The following PRKCB variants were observed in gnomAD, a reference collection of about 807,000 sequenced individuals.
The protein encoded by PRKCB is protein kinase C beta type.
A neutral mutation model predicts 81.5 loss-of-function variants in PRKCB; 13 were observed. The observed-to-expected ratio is 0.16, with a 90% CI of 0.10 to 0.25. PRKCB has a LOEUF of 0.25. Ranked by LOEUF, PRKCB falls within the 10% of genes least tolerant of loss-of-function variation. The probability of loss-of-function intolerance (pLI) is 1.00; values close to 1 mark genes in which losing one functional copy is unlikely to be tolerated. For synonymous variants in PRKCB, 335 were observed against 321.4 expected (o/e 1.04, Z -0.45); for missense variants, 509 against 875.7 (o/e 0.58, Z 5.29).
At chr16:23,979,884 G>T (rs1432454381) in intron 2 of PRKCB, among the ~76,000 whole-genome samples, 1 of 152,176 alleles carries the variant, frequency 6.6e-6, no homozygotes, top group Non-Finnish European at 1.5e-5. Flanking sequence ...AGGAGTTTGA[G>T]ACCAGCCTGG....
At chr16:23,846,955 G>A (rs954844540) in intron 2 of PRKCB, among the ~76,000 whole-genome samples, 1 of 151,860 alleles carries the variant, frequency 6.6e-6, no homozygotes, top group South Asian at 2.1e-4. Context: ...TGGTCTCCTG[G>A]GCATCTCCTT....
At chr16:24,188,924 G>A (rs191795338) in intron 15 of PRKCB, among the ~76,000 whole-genome samples, 27 of 152,258 alleles carry the variant, frequency 1.8e-4, no homozygotes, top group East Asian at 5.8e-4. Flanking sequence ...CCTTTAGCAC[G>A]GAGCCTGAAC....
chr16:24,034,938 G>C (rs1342035661), intron 4 of PRKCB, among the ~76,000 whole-genome samples: 2 of 152,178 alleles, frequency 1.3e-5, no homozygotes, highest in Non-Finnish European at 2.9e-5. Flanking sequence ...TTTCCAGGGA[G>C]CCCAACCTAT....
chr16:23,918,350 T>A (rs1424065775), intron 2 of PRKCB, among the ~76,000 whole-genome samples: 1 of 152,160 alleles, frequency 6.6e-6, no homozygotes, highest in African/African-American at 2.4e-5. Context: ...TAAGTTTCCA[T>A]TATTAAAGAC....
intron 2 of PRKCB, among the ~76,000 whole-genome samples, chr16:23,856,528 CTT>C (rs11398957): frequency 6.9e-6 from 1 of 145,246 alleles, no homozygotes. Context: ...TTTCACGAAA[CTT>C]TTTTTTTTTT....
chr16:24,078,352 A>G (rs1966206067), intron 5 of PRKCB, among the ~76,000 whole-genome samples: 1 of 152,184 alleles, frequency 6.6e-6, no homozygotes, highest in Non-Finnish European at 1.5e-5. Context: ...TCCCGAGGAT[A>G]TGAGTGAGGA....
chr16:24,047,145 T>C (rs1320177006), intron 5 of PRKCB, among the ~76,000 whole-genome samples: 1 of 151,796 alleles, frequency 6.6e-6, no homozygotes, highest in Non-Finnish European at 1.5e-5. Context: ...GAGACCAGCC[T>C]GGTCAACATA....
chr16:24,154,652 A>C, intron 9 of PRKCB, 32 bp from the exon 10 acceptor site: 1 of 1,611,220 alleles, frequency 6.2e-7, no homozygotes, highest in Non-Finnish European at 8.5e-7. Flanking sequence ...GACTCCTTCC[A>C]ACTGCCCTGA....
intron 8 of PRKCB, among the ~76,000 whole-genome samples, chr16:24,120,191 G>T (rs12933841): frequency 1.4e-3 from 214 of 152,272 alleles, no homozygotes; most frequent in Admixed American, 2.6e-3. Flanking sequence ...TGCCTTAGTG[G>T]CGGGGGTTGC....
rs10664787 is a variant in PRKCB at position 23,875,810 on chromosome 16, C to CATATAT, written c.205+38411_205+38416dup. On this transcript the variant is annotated intron_variant, in intron 2 of 16. Coordinates refer to ENST00000643927, the MANE Select transcript of PRKCB (RefSeq NM_002738.7). ...ATATCACACATATATGTGTGTATAT[C>CATATAT]ATATATATATATGCATGACCCATAT... 1.3e-3 allele frequency among the ~76,000 whole-genome samples: 82 copies of CATATAT among 62,044 alleles called. 2 individuals are homozygous for CATATAT. Among genetic ancestry groups the CATATAT allele is most frequent in the East Asian group, 3.7e-3 (5 of 1,366 alleles). 40.7% of individuals were successfully genotyped at this position (62,044 alleles called of 152,430 possible).
chr16:24,030,704 C>T (rs1256405530), intron 3 of PRKCB, among the ~76,000 whole-genome samples: 6 of 129,802 alleles, frequency 4.6e-5, no homozygotes, highest in Non-Finnish European at 9.6e-5. Context: ...CATAGTGAGA[C>T]CCCCCTCTCT....
At chr16:24,033,261 G>A (rs1965570987) in intron 4 of PRKCB, among the ~76,000 whole-genome samples, 1 of 152,208 alleles carries the variant, frequency 6.6e-6, no homozygotes, top group Non-Finnish European at 1.5e-5. Flanking sequence ...TCATAGGGCA[G>A]AGAGTGACAG....
chr16:24,046,228 T>G (rs551980768), intron 5 of PRKCB, among the ~76,000 whole-genome samples: 18 of 152,350 alleles, frequency 1.2e-4, no homozygotes, highest in Middle Eastern at 3.4e-3. Flanking sequence ...TTTAGGCCAA[T>G]GTGGTCTATG....
chr16:23,913,151 G>T (rs1420675978), intron 2 of PRKCB, among the ~76,000 whole-genome samples: 1 of 152,066 alleles, frequency 6.6e-6, no homozygotes, highest in Non-Finnish European at 1.5e-5. Context: ...GCAGCCCTGG[G>T]AGGCCATCTT....
At chr16:24,202,993 G>A (rs1292450364) in intron 16 of PRKCB, 3 of 152,174 alleles carry the variant, frequency 2.0e-5, no homozygotes, top group Non-Finnish European at 4.4e-5. Context: ...AACATGGGCA[G>A]ATCACTTGAG....
chr16:23,969,792 C>T lies in PRKCB; in HGVS notation c.206-18716C>T, dbSNP rs151114055. Among the ~76,000 whole-genome samples, 54 of 152,236 alleles carry T rather than the reference C, an allele frequency of 3.5e-4. No individual in the cohort carries two copies. In the East Asian group the frequency reaches 8.9e-3, roughly 25 times the overall value. ...ATGAAGTCCATGCCACCAGGCCTCTCGGGAACTTCATTGATCATACCATTA... is the reference window on the plus strand; with the variant it reads ...ATGAAGTCCATGCCACCAGGCCTCTTGGGAACTTCATTGATCATACCATTA... On this transcript the variant is annotated intron_variant, in intron 2 of 16. Coordinates refer to ENST00000643927, the MANE Select transcript of PRKCB (RefSeq NM_002738.7).
chr16:24,121,631 T>C (rs1388898643), intron 8 of PRKCB, among the ~76,000 whole-genome samples: 1 of 152,168 alleles, frequency 6.6e-6, no homozygotes, highest in Non-Finnish European at 1.5e-5. Flanking sequence ...GCCTCAGCCT[T>C]CCAAAGCTTT....
rs558066352 is a variant in PRKCB, at chr16:24,174,749, A to T, written c.1394+169A>T. On this transcript the variant is annotated intron_variant, in intron 12 of 16. Coordinates refer to ENST00000643927, the MANE Select transcript of PRKCB (RefSeq NM_002738.7). ...GCAGCATCGCCCACTGCCCTGGCAA[A>T]GTTTGGGCAGCTCTATATGGTGGTA... 4 of 591,884 alleles carry T rather than the reference A, an allele frequency of 6.8e-6. No individual in the cohort carries two copies. In the African/African-American group the frequency reaches 7.5e-5, roughly 11 times the overall value. The allele number at this position is 591,884 out of a possible 1,614,324, so 36.7% of individuals were successfully genotyped here. A position where few individuals can be genotyped will look rare whatever the true frequency, so the allele number is the denominator to read the frequency against.
intron 2 of PRKCB, among the ~76,000 whole-genome samples, chr16:23,947,214 C>T (rs1964214620): frequency 6.6e-6 from 1 of 152,172 alleles, no homozygotes; most frequent in Non-Finnish European, 1.5e-5. Context: ...ATTTTGGGGT[C>T]CTGCAGCTTC....
Sources: gnomAD v4.1 joint callset for allele counts (sites outside exome capture counted in the v4.1 genomes callset) on GRCh38, gnomAD v4.1.1 for gene constraint, MANE v1.5 for transcripts, NCBI Gene and HGNC (gene_info 2026-07-23, HGNC 2026-07-21) for gene names.